STAG3: variants seen among roughly 807,000 people sequenced by gnomAD.
STAG3 encodes cohesin subunit SA-3.
A neutral mutation model predicts 160.7 loss-of-function variants in STAG3; 101 were observed. The ratio of observed to expected loss-of-function variants is 0.63; its 90% CI spans 0.54 to 0.74. The LOEUF (loss-of-function observed/expected upper bound fraction) is 0.74. Among genes scored for constraint, STAG3 ranks in the 30% least tolerant of loss-of-function variants. The probability of loss-of-function intolerance (pLI) is 0.00; values close to 1 mark genes in which losing one functional copy is unlikely to be tolerated. For synonymous variants in STAG3, 519 were observed against 585.0 expected, an observed-to-expected ratio of 0.89 and a Z score of 1.63; for missense variants, 1,188 against 1,517.4, an observed-to-expected ratio of 0.78 and a Z score of 3.61.
rs1801451682 is a variant in STAG3, at chr7:100,204,577, T to C, written c.2803-50T>C. On this transcript the variant is annotated intron_variant, in intron 26 of 33. Coordinates refer to ENST00000615138, the MANE Select transcript of STAG3 (RefSeq NM_001282717.2). ...AGAAGAGAATGCTGGACTTCTCTGTTTCCGCCGTGTTCCTCCCTTTCCCAC... is the reference window on the plus strand; with the variant it reads ...AGAAGAGAATGCTGGACTTCTCTGTCTCCGCCGTGTTCCTCCCTTTCCCAC... 6 of 1,593,018 alleles carry C rather than the reference T, an allele frequency of 3.8e-6. No homozygotes were observed. The South Asian group carries it at 6.7e-5, about 18-fold the overall frequency.
At chr7:100,206,829 ACTAT>A (rs1279871360) in intron 29 of STAG3, among the ~76,000 whole-genome samples, 2 of 152,172 alleles carry the variant, frequency 1.3e-5, no homozygotes, top group East Asian at 3.8e-4. Flanking sequence ...AACCATCACA[ACTAT>A]CTAATTTTAG....
chr7:100,180,887 T>TG (rs1427021541), intron 2 of STAG3: 12 of 386,742 alleles, frequency 3.1e-5, no homozygotes, highest in Non-Finnish European at 4.7e-5. Flanking sequence ...CCTGTTTTTT[T>TG]TTTTTTTTTT....
rs1435659354 is a variant in STAG3 at position 100,177,990 on chromosome 7, AC to A, written c.-77del. On this transcript the variant is annotated 5_prime_UTR_variant, in exon 1 of 34. Coordinates refer to ENST00000615138, the MANE Select transcript of STAG3 (RefSeq NM_001282717.2). The stretch of plus-strand genomic sequence containing the variant: ...TGTGGAAGGTGGGGTGGCCAGAGAC[AC>A]CCGAGGGACCTGAGGTGGGGACCTT... 6.6e-6 allele frequency: 1 copy of A among 152,314 alleles called. No homozygotes were observed. The highest frequency in any genetic ancestry group is 1.5e-5 in the Non-Finnish European group (1 of 68,152). 9.4% of individuals were successfully genotyped at this position (152,314 alleles called of 1,614,324 possible).
Position 100,199,299 on chromosome 7 carries a change from G to A in STAG3, c.1505G>A (p.Trp502Ter). The change falls in exon 15 of 34, where the codon TGG (tryptophan) becomes TAG (stop). Residue 502 changes from tryptophan (W) to a stop codon, truncating the protein, a stop_gained. Coordinates refer to ENST00000615138, the MANE Select transcript of STAG3 (RefSeq NM_001282717.2). LOFTEE classifies it high-confidence loss of function. ...GCTGCTTACTTAGTAGACAGTCTGTGGGACTGTGCAGGGGCTCGGCTGAAG... is the reference window on the plus strand; with the variant it reads ...GCTGCTTACTTAGTAGACAGTCTGTAGGACTGTGCAGGGGCTCGGCTGAAG... ...DHAAYLVDSL[W>*]DCAGARLKDW... The A allele has an allele frequency of 6.2e-7, 1 of 1,614,026 alleles. No individual in the cohort carries two copies. The highest frequency in any genetic ancestry group is 1.1e-5 in the South Asian group (1 of 91,084).
chr7:100,184,463 G>GTTTTTTTT (rs1554403741), intron 4 of STAG3, among the ~76,000 whole-genome samples: 7 of 98,586 alleles, frequency 7.1e-5, no homozygotes, highest in Non-Finnish European at 7.7e-5. Context: ...CAGCGTGTTA[G>GTTTTTTTT]TTTTTTTTTT....
chr7:100,182,695 A>C, intron 3 of STAG3, 28 bp from the exon 4 acceptor site: 1 of 1,597,684 alleles, frequency 6.3e-7, no homozygotes, highest in Non-Finnish European at 8.5e-7. Context: ...TTTTTTTTTC[A>C]TATTTCTGAT....
chr7:100,212,466 T>C (rs1802321330), intron 32 of STAG3: 1 of 152,286 alleles, frequency 6.6e-6, no homozygotes, highest in Non-Finnish European at 1.5e-5. Context: ...TAATTATTTT[T>C]ATTTTTTGAG....
intron 9 of STAG3, among the ~76,000 whole-genome samples, chr7:100,196,372 C>T (rs1584704974): frequency 1.3e-5 from 2 of 151,950 alleles, no homozygotes; most frequent in African/African-American, 4.8e-5. Context: ...GCCCCACCCC[C>T]CGGGTTTAGG....
Position 100,213,991 on chromosome 7 carries a change from A to G in STAG3, c.3673-16A>G. 6.2e-7 allele frequency: 1 copy of G among 1,613,906 alleles called. No individual in the cohort carries two copies. The highest frequency in any genetic ancestry group is 2.2e-5 in the East Asian group (1 of 44,876). ...TTGCTGTGTCCTGTGTATTCCTTTC[A>G]TCTTTCTCATTATAGGATTTCTGAC... On this transcript the variant is annotated splice_polypyrimidine_tract_variant and intron_variant, in intron 33 of 33. Transcript: ENST00000615138.
chr7:100,200,827 C>T lies in STAG3; in HGVS notation c.1919C>T (p.Ala640Val), dbSNP rs375338973. 14 of 1,614,216 alleles carry T rather than the reference C, an allele frequency of 8.7e-6. No homozygotes were observed. The highest frequency in any genetic ancestry group is 6.7e-5 in the Admixed American group (4 of 60,022). ...GTGGTGGTGAAGCATGCAGAGCCAG[C>T]GGTGCTTGAGGCTGGGGCGCATGCC... ...QEVVVKHAEP[A>V]VLEAGAHALY... The change falls in exon 19 of 34, where the codon GCG becomes GTG. Residue 640 changes from alanine to valine, a missense_variant. Around this residue, in one of 4 missense-constraint regions of STAG3, gnomAD observed 647 missense variants for 717.2 expected, o/e 0.90. Coordinates refer to ENST00000615138, the MANE Select transcript of STAG3 (RefSeq NM_001282717.2).
At chr7:100,186,611 G>A (rs1232052175) in intron 5 of STAG3, among the ~76,000 whole-genome samples, 1 of 152,096 alleles carries the variant, frequency 6.6e-6, no homozygotes, top group South Asian at 2.1e-4. Flanking sequence ...TTGAACCCAG[G>A]AGGTGGAGGT....
intron 25 of STAG3, among the ~76,000 whole-genome samples, chr7:100,203,499 T>C (rs534693291): frequency 6.6e-6 from 1 of 151,510 alleles, no homozygotes; most frequent in East Asian, 2.0e-4. Context: ...TATTTGTTTT[T>C]TATTTTATTT....
chr7:100,201,863 C>G lies in STAG3; in HGVS notation c.2298C>G (p.Ser766=). ...CCCACATTTCTAAATCAGATGCTTC[C>G]CAGGTGAGTGTGGGTCTTAGATGGG... ...TLTHISKSDA[S]QKQLSSLRDR... is the part of the protein sequence containing the mutation. Residue 766 remains serine, a synonymous_variant, in exon 22 of 34, where the codon TCC becomes TCG. Coordinates refer to ENST00000615138, the MANE Select transcript of STAG3 (RefSeq NM_001282717.2). 8 of 1,614,116 alleles carry G rather than the reference C, an allele frequency of 5.0e-6. No individual in the cohort carries two copies. The highest frequency in any genetic ancestry group is 6.8e-6 in the Non-Finnish European group (8 of 1,180,014).
chr7:100,182,018 C>G, intron 2 of STAG3, 72 bp from the exon 3 acceptor site: 1 of 1,128,826 alleles, frequency 8.9e-7, no homozygotes, highest in South Asian at 1.3e-5. Context: ...GACAGAGAAA[C>G]CATAATTAAT....
rs1176564901 is a variant in STAG3, at chr7:100,200,255, G to A, written c.1697G>A (p.Arg566His). The A allele has an allele frequency of 1.1e-5, 17 of 1,612,022 alleles. No homozygotes were observed. The highest frequency in any genetic ancestry group is 3.3e-5 in the South Asian group (3 of 90,886). ...TTCCAGGGCTTAACCTCTAAGGAGC[G>A]CAAGACCCAAGCCGATGACAGGGTG... ...TGRKGLTSKE[R>H]KTQADDRVKL... is the part of the protein sequence containing the mutation. Residue 566 changes from arginine to histidine, a missense_variant, in exon 17 of 34, where the codon CGC becomes CAC. Transcript: ENST00000615138.
At chr7:100,189,416 TTTC>T (rs769765137) in intron 7 of STAG3, 26 bp from the exon 8 acceptor site, 1 of 1,601,008 alleles carries the variant, frequency 6.2e-7, no homozygotes. Context: ...TCAGTAATGA[TTTC>T]TTTATCTCTT....
intron 23 of STAG3, 40 bp downstream of exon 23, chr7:100,202,081 C>A: frequency 3.1e-6 from 5 of 1,611,438 alleles, no homozygotes; most frequent in Non-Finnish European, 3.4e-6. Flanking sequence ...GGCGAGTATC[C>A]CTGCCCCCAT....
At chr7:100,209,036 G>A (rs1563002685) in intron 29 of STAG3, among the ~76,000 whole-genome samples, 2 of 152,136 alleles carry the variant, frequency 1.3e-5, no homozygotes, top group Non-Finnish European at 2.9e-5. Context: ...GAAACCAGAG[G>A]GGACACTTAC....
Position 100,211,045 on chromosome 7 carries a change from G to A in STAG3, c.3273G>A (p.Ser1091=), listed in dbSNP as rs753854357. The change falls in exon 30 of 34, where the codon TCG becomes TCA. Residue 1091 remains serine, a synonymous_variant. Coordinates refer to ENST00000615138, the MANE Select transcript of STAG3 (RefSeq NM_001282717.2). The part of the protein sequence containing the change: ...PAKPNREDVS[S]SQEESLQLNS... ...AGCCTAACAGAGAGGACGTCTCCTC[G>A]TCCCAGGAAGAAAGTCTGCAGCTGA... 112 of 1,613,796 alleles carry A rather than the reference G, an allele frequency of 6.9e-5. 1 individual carries two copies. Among genetic ancestry groups the A allele is most frequent in the South Asian group, 4.9e-4 (45 of 91,074 alleles).
Sources: allele counts gnomAD v4.1 joint callset (sites outside exome capture counted in the v4.1 genomes callset), GRCh38; gene constraint gnomAD v4.1.1; regional missense constraint gnomAD v4.1.1; transcripts MANE v1.5; gene names NCBI Gene and HGNC (gene_info 2026-07-23, HGNC 2026-07-21).